Variants in THSD7A observed in about 807,000 individuals in gnomAD.
The protein encoded by THSD7A is thrombospondin type 1 domain containing 7A.
A neutral mutation model predicts 231.3 loss-of-function variants in THSD7A; 96 were observed. The ratio of observed to expected loss-of-function variants is 0.41; its 90% CI spans 0.35 to 0.49. The LOEUF is 0.49. Among genes scored for constraint, THSD7A ranks in the 20% least tolerant of loss-of-function variants. THSD7A has a pLI of 0.05. For synonymous variants in THSD7A, 940 were observed against 743.3 expected (o/e 1.26, Z -4.30); for missense variants, 2,290 against 2,070.2 (o/e 1.11, Z -2.06).
intron 2 of THSD7A, among the ~76,000 whole-genome samples, chr7:11,620,993 G>A (rs2128353272): frequency 6.6e-6 from 1 of 152,276 alleles, no homozygotes; most frequent in South Asian, 2.1e-4. Context: ...GCCTCATAAT[G>A]AAATGGGAGG....
chr7:11,492,211 G>A (rs1786923484), intron 6 of THSD7A, among the ~76,000 whole-genome samples: 1 of 152,002 alleles, frequency 6.6e-6, no homozygotes, highest in African/African-American at 2.4e-5. Context: ...GGAAGAGGAT[G>A]ACTCTGTGCC....
At chr7:11,829,213 G>A (rs746565297) in intron 1 of THSD7A, among the ~76,000 whole-genome samples, 6 of 152,006 alleles carry the variant, frequency 3.9e-5, no homozygotes, top group African/African-American at 7.2e-5. Flanking sequence ...CACTGTGCAT[G>A]TAGGTCAGGA....
At chr7:11,672,861 T>C (rs1459101702) in intron 1 of THSD7A, among the ~76,000 whole-genome samples, 1 of 152,204 alleles carries the variant, frequency 6.6e-6, no homozygotes, top group African/African-American at 2.4e-5. Flanking sequence ...ACAGACACGT[T>C]TGACAATTTC....
intron 4 of THSD7A, among the ~76,000 whole-genome samples, chr7:11,564,479 G>A (rs1318916408): frequency 6.6e-6 from 1 of 152,188 alleles, no homozygotes; most frequent in Admixed American, 6.5e-5. Context: ...TCCAAGCTAG[G>A]ATGCCAGTGA....
chr7:11,784,400 G>A (rs560284876), intron 1 of THSD7A, among the ~76,000 whole-genome samples: 11 of 151,108 alleles, frequency 7.3e-5, no homozygotes, highest in Admixed American at 2.6e-4. Flanking sequence ...ATTGCCATCT[G>A]AAATCCCAAT....
intron 22 of THSD7A, among the ~76,000 whole-genome samples, chr7:11,402,390 A>G (rs1783437108): frequency 6.6e-6 from 1 of 152,234 alleles, no homozygotes; most frequent in Admixed American, 6.5e-5. Flanking sequence ...ACAATTTTGA[A>G]AAGTTTGAAA....
At chr7:11,685,082 T>A (rs568563090) in intron 1 of THSD7A, among the ~76,000 whole-genome samples, 1 of 151,878 alleles carries the variant, frequency 6.6e-6, no homozygotes, top group South Asian at 2.1e-4. Flanking sequence ...CACCTCCAAC[T>A]AACAGATTCT....
Position 11,590,395 on chromosome 7 carries a change from T to C in THSD7A, c.1453+65A>G, listed in dbSNP as rs1780106537. 6.5e-7 allele frequency: 1 copy of C among 1,534,026 alleles called. No homozygotes were observed. Among genetic ancestry groups the C allele is most frequent in the Non-Finnish European group, 8.8e-7 (1 of 1,132,702 alleles). On this transcript the variant is annotated intron_variant, in intron 4 of 27. Transcript: ENST00000423059. This position sits in a 1 kb window ranked among gnomAD's most constrained non-coding sequence, Gnocchi z 4.4. ...ACCTGGATGGCTGTGTATATATCCC[T>C]TCAGAGCAATCACATGCTCAGTCAG...
rs539216571 is a variant in THSD7A at position 11,799,980 on chromosome 7, G to A, written c.190+31777C>T. Reference sequence around the variant, plus strand: ...ACATTTAAAAATAACATAGAACAAGGCTCTTCTGTTCTTTCTTTGAGATAG... The same window carrying A: ...ACATTTAAAAATAACATAGAACAAGACTCTTCTGTTCTTTCTTTGAGATAG... On this transcript the variant is annotated intron_variant, in intron 1 of 27. Coordinates refer to ENST00000423059, the MANE Select transcript of THSD7A (RefSeq NM_015204.3). Among the ~76,000 whole-genome samples the A allele has an allele frequency of 2.6e-5, 4 of 152,224 alleles. No homozygotes were observed. In the South Asian group the frequency reaches 8.3e-4, roughly 32 times the overall value.
At chr7:11,414,288 G>C (rs1026535351) in intron 17 of THSD7A, among the ~76,000 whole-genome samples, 3 of 152,180 alleles carry the variant, frequency 2.0e-5, no homozygotes, top group Non-Finnish European at 2.9e-5. Flanking sequence ...TTTGACATTA[G>C]AGCACTGAAA....
At chr7:11,599,486 G>T (rs568859742) in intron 2 of THSD7A, among the ~76,000 whole-genome samples, 24 of 152,306 alleles carry the variant, frequency 1.6e-4, no homozygotes, top group Non-Finnish European at 2.9e-4. Flanking sequence ...CTTGTACTAA[G>T]AAAATGTCTT....
chr7:11,811,040 A>T (rs1483300845), intron 1 of THSD7A, among the ~76,000 whole-genome samples: 1 of 152,166 alleles, frequency 6.6e-6, no homozygotes, highest in Non-Finnish European at 1.5e-5. Context: ...ACTTCTGAAG[A>T]CATTTCTGCA....
chr7:11,711,425 A>G (rs1288297542), intron 1 of THSD7A, among the ~76,000 whole-genome samples: 2 of 151,036 alleles, frequency 1.3e-5, no homozygotes, highest in Non-Finnish European at 3.0e-5. Context: ...ATGCTGTTTT[A>G]ACCTTAATCT....
rs900361326 is a variant in THSD7A at position 11,521,503 on chromosome 7, T to C, written c.1822+19916A>G. Among the ~76,000 whole-genome samples, 4 of 141,800 alleles carry C rather than the reference T, an allele frequency of 2.8e-5. 1 individual carries two copies. Among genetic ancestry groups the C allele is most frequent in the African/African-American group, 8.3e-5 (3 of 36,136 alleles). 93.0% of individuals were successfully genotyped at this position (141,800 alleles called of 152,430 possible). On this transcript the variant is annotated intron_variant, in intron 6 of 27. Coordinates refer to ENST00000423059, the MANE Select transcript of THSD7A (RefSeq NM_015204.3). ...TTATTTATTTATTTATTTATTTTTT[T>C]ATTATACTCTAAGTTTTAGGGTACA...
chr7:11,411,363 A>G lies in THSD7A; in HGVS notation c.3683-41T>C. ...GCCCATCAGAACAGAAGGCTAAGTA[A>G]GAAACAGATTTCAAATGAAACTCTG... On this transcript the variant is annotated intron_variant, in intron 18 of 27. Transcript: ENST00000423059. This position sits in a 1 kb window ranked among gnomAD's most constrained non-coding sequence, Gnocchi z 4.1. 3 of 1,379,456 alleles carry G rather than the reference A, an allele frequency of 2.2e-6. No homozygotes were observed. Among genetic ancestry groups the G allele is most frequent in the South Asian group, 1.2e-5 (1 of 82,356 alleles). The allele number at this position is 1,379,456 out of a possible 1,614,324, so 85.5% of individuals were successfully genotyped here. A position where few individuals can be genotyped will look rare whatever the true frequency, so the allele number is the denominator to read the frequency against.
intron 1 of THSD7A, among the ~76,000 whole-genome samples, chr7:11,719,451 A>G (rs759664654): frequency 6.6e-6 from 1 of 151,580 alleles, no homozygotes. Context: ...GTTTGTGATC[A>G]TTTTTTCAAT....
At chr7:11,579,171 C>G (rs1791049827) in intron 4 of THSD7A, among the ~76,000 whole-genome samples, 3 of 152,112 alleles carry the variant, frequency 2.0e-5, no homozygotes, top group Admixed American at 2.0e-4. Context: ...TGCTATTCTC[C>G]TTGGTTTATT....
At chr7:11,571,868 AT>A (rs1304228391) in intron 4 of THSD7A, among the ~76,000 whole-genome samples, 1 of 148,672 alleles carries the variant, frequency 6.7e-6, no homozygotes, top group East Asian at 2.0e-4. Flanking sequence ...AGTATAGGGT[AT>A]TTTTGCTGTT....
intron 1 of THSD7A, among the ~76,000 whole-genome samples, chr7:11,806,954 A>G (rs1784414952): frequency 6.6e-6 from 1 of 152,048 alleles, no homozygotes; most frequent in Non-Finnish European, 1.5e-5. Flanking sequence ...TGAAGGCAGC[A>G]TTTTTACTTT....
Sources: gnomAD v4.1 joint callset for allele counts (sites outside exome capture counted in the v4.1 genomes callset) on GRCh38, gnomAD v4.1.1 for gene constraint, Gnocchi (gnomAD v3.1) non-coding constraint, MANE v1.5 for transcripts, NCBI Gene and HGNC (gene_info 2026-07-23, HGNC 2026-07-21) for gene names.